CCT4: variants seen among roughly 807,000 people sequenced by gnomAD.
CCT4 encodes the protein T-complex protein 1 subunit delta.
A neutral mutation model predicts 62.5 loss-of-function variants in CCT4; 17 were observed. The observed-to-expected ratio is 0.27, with a 90% CI of 0.19 to 0.41. CCT4 has a LOEUF of 0.41. Among genes scored for constraint, CCT4 ranks in the 10% least tolerant of loss-of-function variants. The pLI is 1.00. For missense variants in CCT4, 592 were observed against 659.2 expected (o/e 0.90, Z 1.12); for synonymous variants, 250 against 229.9 (o/e 1.09, Z -0.79).
chr2:61,884,956 A>C (rs1003923530), intron 2 of CCT4, 64 bp downstream of exon 2: 2 of 1,377,078 alleles, frequency 1.5e-6, no homozygotes, highest in Non-Finnish European at 2.0e-6. Context: ...CTAACCCTTC[A>C]ACAAGATCTT....
At chr2:61,873,875 A>C (rs957411078) in intron 8 of CCT4, among the ~76,000 whole-genome samples, 2 of 150,746 alleles carry the variant, frequency 1.3e-5, no homozygotes, top group African/African-American at 4.9e-5. Context: ...TCATTTATTT[A>C]TTTTTAATAG....
At chr2:61,880,418 T>G (rs1267188165) in intron 3 of CCT4, 24 bp from the exon 4 acceptor site, 1 of 1,350,876 alleles carries the variant, frequency 7.4e-7, no homozygotes. Context: ...AAATGCCAAG[T>G]TGCTCAATGA....
At chr2:61,874,062 T>C (rs991621461) in intron 8 of CCT4, among the ~76,000 whole-genome samples, 1 of 152,160 alleles carries the variant, frequency 6.6e-6, no homozygotes, top group Admixed American at 6.6e-5. Flanking sequence ...TTCATGAATT[T>C]AGAAGTATTA....
Position 61,871,418 on chromosome 2 carries a change from T to C in CCT4, c.1491+664A>G, listed in dbSNP as rs535057760. On this transcript the variant is annotated intron_variant, in intron 12 of 13. Transcript: ENST00000394440. ...ATATATAATCCCAGCTCTACACAGG[T>C]GAAGAACTGCTTGGTCCTTCTCACC... is the stretch of plus-strand genomic sequence containing the variant. Among the ~76,000 whole-genome samples the C allele has an allele frequency of 2.6e-5, 4 of 152,252 alleles. No homozygotes were observed. The South Asian group carries it at 8.3e-4, about 32-fold the overall frequency.
chr2:61,888,273 G>A (rs1023987636), intron 1 of CCT4, 108 bp downstream of exon 1: 23 of 1,349,018 alleles, frequency 1.7e-5, no homozygotes, highest in Non-Finnish European at 2.0e-5. Flanking sequence ...GGGAGGACAA[G>A]AGAGGATCAC....
rs1387868501 is a variant in CCT4 at position 61,883,555 on chromosome 2, A to G, written c.181-7T>C. ...CACCTTTTCCATCTTGAATCTAGAA[A>G]AAAAATTTTAAAGTTATATTTCAAT... On this transcript the variant is annotated splice_region_variant and splice_polypyrimidine_tract_variant and intron_variant, in intron 2 of 13. Coordinates refer to ENST00000394440, the MANE Select transcript of CCT4 (RefSeq NM_006430.4). 6.9e-7 allele frequency: 1 copy of G among 1,447,694 alleles called. No individual in the cohort carries two copies. Among genetic ancestry groups the G allele is most frequent in the African/African-American group, 1.4e-5 (1 of 71,090 alleles). 89.7% of individuals were successfully genotyped at this position (1,447,694 alleles called of 1,614,324 possible). A position where few individuals can be genotyped will look rare whatever the true frequency, so the allele number is the denominator to read the frequency against.
chr2:61,885,977 T>A (rs1005539377), intron 1 of CCT4: 4 of 152,230 alleles, frequency 2.6e-5, no homozygotes, highest in African/African-American at 9.6e-5. Context: ...ATTCACTTAT[T>A]TGTTTACTCT....
chr2:61,874,873 G>T (rs1668963242), intron 8 of CCT4, among the ~76,000 whole-genome samples: 1 of 152,168 alleles, frequency 6.6e-6, no homozygotes, highest in Non-Finnish European at 1.5e-5. Flanking sequence ...GGCCGGGCGT[G>T]GTGGCTCATG....
chr2:61,879,256 C>CTTTTT lies in CCT4; in HGVS notation c.380-250_380-246dup, dbSNP rs35373962. 3.1e-4 allele frequency among the ~76,000 whole-genome samples: 31 copies of CTTTTT among 101,076 alleles called. 1 individual carries two copies. The highest frequency in any genetic ancestry group is 4.0e-4 in the Non-Finnish European group (22 of 55,302). The allele number at this position is 101,076 out of a possible 152,430, so 66.3% of individuals were successfully genotyped here. On this transcript the variant is annotated intron_variant, in intron 4 of 13. Transcript: ENST00000394440. Reference sequence around the variant, plus strand: ...GTCTTGACTAAAACCAAATTTTATACTTTTTTTTTTTTTTTTTTTTTCTGA... The same window carrying CTTTTT: ...GTCTTGACTAAAACCAAATTTTATACTTTTTTTTTTTTTTTTTTTTTTTTTTCTGA...
At position 61,887,253 on chromosome 2, in the gene CCT4, C is replaced by T. The variant is rs540683562; in HGVS notation, c.127+1128G>A. On this transcript the variant is annotated intron_variant, in intron 1 of 13. Transcript: ENST00000394440. ...AGAAACTATTACTTTTTCTTACATC[C>T]AGCGTTACCTATCTTAGCGCCATCA... is the stretch of plus-strand genomic sequence containing the variant. Among the ~76,000 whole-genome samples the T allele has an allele frequency of 2.5e-3, 375 of 152,260 alleles. 2 individuals are homozygous for T. Among genetic ancestry groups the T allele is most frequent in the African/African-American group, 8.6e-3 (357 of 41,550 alleles).
intron 3 of CCT4, 97 bp from the exon 4 acceptor site, chr2:61,880,491 G>T: frequency 1.4e-6 from 1 of 716,748 alleles, no homozygotes; most frequent in Non-Finnish European, 2.4e-6. Context: ...AACAGAATTT[G>T]AAGATGCAAC....
intron 7 of CCT4, among the ~76,000 whole-genome samples, chr2:61,876,609 T>C (rs1364550669): frequency 6.6e-6 from 1 of 152,338 alleles, no homozygotes; most frequent in Middle Eastern, 3.4e-3. Flanking sequence ...GTGCAGGGAC[T>C]ATTCACAGGT....
At chr2:61,879,146 G>T in intron 4 of CCT4, 135 bp from the exon 5 acceptor site, 1 of 591,402 alleles carries the variant, frequency 1.7e-6, no homozygotes, top group Non-Finnish European at 2.9e-6. Context: ...TGCTTCAGTT[G>T]TAATATAGTG....
intron 2 of CCT4, among the ~76,000 whole-genome samples, chr2:61,884,460 G>A (rs1358565225): frequency 2.0e-5 from 3 of 151,586 alleles, no homozygotes; most frequent in Non-Finnish European, 4.4e-5. Context: ...ACAGGTGCCC[G>A]CCACCATGCC....
At position 61,888,476 on chromosome 2, in the gene CCT4, G is replaced by A. The variant is rs913139355; in HGVS notation, c.32C>T (p.Ala11Val). ...GCGGCCGCCGGCAGCCCCGGCAGTCGCCCCGCTCCGGGGTGCCACATTCTC... is the reference window on the plus strand; with the variant it reads ...GCGGCCGCCGGCAGCCCCGGCAGTCACCCCGCTCCGGGGTGCCACATTCTC... MPENVAPRSGATAGAAGGRGK... is the reference protein window; with the variant it reads MPENVAPRSGVTAGAAGGRGK... The change falls in exon 1 of 14, where the codon GCG (alanine) becomes GTG (valine). Residue 11 changes from alanine to valine, a missense_variant. Ala to Val is a moderately conservative substitution (Grantham distance 64, BLOSUM62 0). Transcript: ENST00000394440. The A allele has an allele frequency of 6.2e-7, 1 of 1,611,682 alleles. No homozygotes were observed. Among genetic ancestry groups the A allele is most frequent in the Non-Finnish European group, 8.5e-7 (1 of 1,179,194 alleles).
At chr2:61,879,859 T>C (rs1039687535) in intron 4 of CCT4, among the ~76,000 whole-genome samples, 3 of 151,988 alleles carry the variant, frequency 2.0e-5, no homozygotes, top group Admixed American at 6.6e-5. Context: ...TCTCCTGCCT[T>C]AGCTGGGATT....
intron 3 of CCT4, among the ~76,000 whole-genome samples, chr2:61,881,881 A>ATT (rs11410360): frequency 1.3e-5 from 2 of 151,284 alleles, no homozygotes; most frequent in Admixed American, 6.6e-5. Context: ...AAAAAAAAAA[A>ATT]ATTTTTTAAA....
chr2:61,874,108 T>C (rs767816447), intron 8 of CCT4, among the ~76,000 whole-genome samples: 5 of 152,194 alleles, frequency 3.3e-5, no homozygotes, highest in Non-Finnish European at 4.4e-5. Flanking sequence ...CCCCATGAAC[T>C]GTGAATAACA....
chr2:61,887,452 T>A (rs1395455048), intron 1 of CCT4, among the ~76,000 whole-genome samples: 1 of 152,172 alleles, frequency 6.6e-6, no homozygotes, highest in Non-Finnish European at 1.5e-5. Flanking sequence ...ACACCAGGCC[T>A]TTAACATCTG....
Sources: allele counts gnomAD v4.1 joint callset (sites outside exome capture counted in the v4.1 genomes callset), GRCh38; gene constraint gnomAD v4.1.1; transcripts MANE v1.5; gene names NCBI Gene and HGNC (gene_info 2026-07-23, HGNC 2026-07-21).